The following HEMK2 variants were observed in gnomAD, a reference collection of about 807,000 sequenced individuals.
HEMK2 encodes methyltransferase HEMK2.
the HEMK2 span, among the ~76,000 whole-genome samples, chr21:28,753,645 A>G: frequency 6.6e-6 from 1 of 152,204 alleles, no homozygotes; most frequent in Non-Finnish European, 1.5e-5. Flanking sequence ...CAGTAACTTC[A>G]TCTCTAAGGG....
chr21:28,611,893 C>CAG, the HEMK2 span, among the ~76,000 whole-genome samples: 1 of 117,222 alleles, frequency 8.5e-6, no homozygotes, highest in African/African-American at 3.3e-5. Flanking sequence ...GTCTGGGAGA[C>CAG]AGAGAGAGAC....
the HEMK2 span, among the ~76,000 whole-genome samples, chr21:28,828,943 T>C: frequency 6.6e-6 from 1 of 152,144 alleles, no homozygotes. Flanking sequence ...AGGCTGAAAA[T>C]GAGTGATTTT....
the HEMK2 span, among the ~76,000 whole-genome samples, chr21:28,840,025 A>G: frequency 6.6e-6 from 1 of 152,342 alleles, no homozygotes; most frequent in African/African-American, 2.4e-5. Flanking sequence ...AGGCACAAAG[A>G]CCAATGGAAC....
At chr21:28,611,613 C>A in the HEMK2 span, among the ~76,000 whole-genome samples, 1 of 109,742 alleles carries the variant, frequency 9.1e-6, no homozygotes, top group Admixed American at 8.4e-5. Flanking sequence ...TAAATGGGAG[C>A]AGCTCACACC....
At chr21:28,678,310 T>C in the HEMK2 span, among the ~76,000 whole-genome samples, 1 of 152,162 alleles carries the variant, frequency 6.6e-6, no homozygotes, top group Non-Finnish European at 1.5e-5. Context: ...GAATATCATA[T>C]GAACGAAATG....
the HEMK2 span, among the ~76,000 whole-genome samples, chr21:28,883,479 A>C: frequency 1.3e-5 from 2 of 152,268 alleles, no homozygotes; most frequent in East Asian, 3.9e-4. Flanking sequence ...TTTTTGAAAA[A>C]AGTTCCTCTA....
the HEMK2 span, among the ~76,000 whole-genome samples, chr21:28,854,321 G>A: frequency 6.6e-6 from 1 of 152,126 alleles, no homozygotes; most frequent in Non-Finnish European, 1.5e-5. Context: ...ACTATTAGAA[G>A]TAGAGTCCTT....
the HEMK2 span, among the ~76,000 whole-genome samples, chr21:28,637,053 G>A: frequency 1.3e-5 from 2 of 152,138 alleles, no homozygotes; most frequent in Non-Finnish European, 2.9e-5. Flanking sequence ...TTGATTTGCT[G>A]TGCTCAGAGT....
At chr21:28,878,212 G>A in the HEMK2 span, 1 of 1,585,526 alleles carries the variant, frequency 6.3e-7, no homozygotes, top group Non-Finnish European at 8.6e-7. Context: ...TTCTTTAATG[G>A]TAACTAAATA....
the HEMK2 span, among the ~76,000 whole-genome samples, chr21:28,726,245 G>T: frequency 4.0e-5 from 6 of 151,600 alleles, no homozygotes; most frequent in Admixed American, 3.3e-4. Context: ...GTTTTATTTG[G>T]GGAATTACCA....
the HEMK2 span, among the ~76,000 whole-genome samples, chr21:28,678,693 C>T: frequency 3.3e-5 from 5 of 152,222 alleles, no homozygotes; most frequent in Non-Finnish European, 7.3e-5. Context: ...AACAGCAGAT[C>T]TCTCAGCAGA....
At chr21:28,814,684 C>T in the HEMK2 span, among the ~76,000 whole-genome samples, 3 of 152,074 alleles carry the variant, frequency 2.0e-5, no homozygotes, top group Admixed American at 6.5e-5. Context: ...CAACGAGATA[C>T]CATCTCACAC....
chr21:28,750,253 G>C, the HEMK2 span, among the ~76,000 whole-genome samples: 1 of 152,162 alleles, frequency 6.6e-6, no homozygotes, highest in Non-Finnish European at 1.5e-5. Flanking sequence ...TATGAAATTA[G>C]GTTCCCTCAT....
the HEMK2 span, chr21:28,882,892 A>G: frequency 2.8e-4 from 233 of 839,102 alleles, 1 homozygote; most frequent in African/African-American, 3.0e-3. Flanking sequence ...CTTAAATACT[A>G]TAAGATACAT....
chr21:28,841,323 TTA>T, the HEMK2 span, among the ~76,000 whole-genome samples: 1 of 16,274 alleles, frequency 6.1e-5, no homozygotes, highest in Non-Finnish European at 8.8e-5. Flanking sequence ...ATAATATATA[TTA>T]TATATAAATA....
the HEMK2 span, chr21:28,882,078 A>G: frequency 9.3e-7 from 1 of 1,076,832 alleles, no homozygotes; most frequent in Non-Finnish European, 1.3e-6. Context: ...TCAAAAGTTA[A>G]TTACTTACCA....
At chr21:28,831,678 AGAAAGAAGGAAGGAAG>A in the HEMK2 span, among the ~76,000 whole-genome samples, 10 of 30,876 alleles carry the variant, frequency 3.2e-4, no homozygotes, top group East Asian at 2.0e-3. Flanking sequence ...AAAGAAAGAA[AGAAAGAAGGAAGGAAG>A]GAAGGAAGGA....
At chr21:28,576,658 CTAA>C in the HEMK2 span, among the ~76,000 whole-genome samples, 4 of 152,208 alleles carry the variant, frequency 2.6e-5, no homozygotes, top group African/African-American at 9.6e-5. Flanking sequence ...AAGATGCACT[CTAA>C]TGTTTTTTCC....
chr21:28,640,097 G>A, the HEMK2 span, among the ~76,000 whole-genome samples: 1 of 152,168 alleles, frequency 6.6e-6, no homozygotes. Flanking sequence ...TCTGGCACAT[G>A]GAAAATAACA....
Sources: allele counts gnomAD v4.1 joint callset (sites outside exome capture counted in the v4.1 genomes callset), GRCh38; gene constraint gnomAD v4.1.1; transcripts MANE v1.5; gene names NCBI Gene and HGNC (gene_info 2026-07-23, HGNC 2026-07-21).